The following LDB3 variants were observed in gnomAD, a reference collection of about 807,000 sequenced individuals.
LDB3 encodes the protein LIM domain binding 3.
A neutral mutation model predicts 69.0 loss-of-function variants in LDB3; 49 were observed. That is an observed-to-expected ratio of 0.71 (90% CI 0.56 to 0.90). LDB3 has a LOEUF of 0.90. Ranked by LOEUF, LDB3 falls within the 40% of genes least tolerant of loss-of-function variation. LDB3 has a pLI of 0.00. For synonymous variants in LDB3, 387 were observed against 396.2 expected, an observed-to-expected ratio of 0.98 and a Z score of 0.28; for missense variants, 928 against 974.1, an observed-to-expected ratio of 0.95 and a Z score of 0.63.
Position 86,668,787 on chromosome 10 carries a change from G to A in LDB3, c.93+3G>A. 1 of 1,611,510 alleles carries A rather than the reference G, an allele frequency of 6.2e-7. No individual in the cohort carries two copies. The highest frequency in any genetic ancestry group is 8.5e-7 in the Non-Finnish European group (1 of 1,178,512). Reference sequence around the variant, plus strand: ...ACATGCCCCTCACTATCTCCCGGGTGAGTGCACCCTGCCACAGCCTGGCAC... The same window carrying A: ...ACATGCCCCTCACTATCTCCCGGGTAAGTGCACCCTGCCACAGCCTGGCAC... On this transcript the variant is annotated splice_donor_region_variant and intron_variant, in intron 2 of 13. Transcript: ENST00000361373.
At chr10:86,690,240 C>T (rs1014964146) in intron 5 of LDB3, among the ~76,000 whole-genome samples, 147 of 152,330 alleles carry the variant, frequency 9.7e-4, no homozygotes, top group African/African-American at 3.4e-3. Flanking sequence ...TCCTTCCCTC[C>T]CCTCCCAGTG....
At chr10:86,716,007 C>T (rs887988023) in intron 9 of LDB3, among the ~76,000 whole-genome samples, 2 of 152,184 alleles carry the variant, frequency 1.3e-5, no homozygotes, top group Non-Finnish European at 2.9e-5. Context: ...CCCCCACCCC[C>T]ACTCTGCGTC....
chr10:86,679,394 TCCCAGCTCAGCCAGGGTGA>T lies in LDB3; in HGVS notation c.124_142del (p.Gln42SerfsTer13). 1 of 1,614,118 alleles carries T rather than the reference TCCCAGCTCAGCCAGGGTGA, an allele frequency of 6.2e-7. No individual in the cohort carries two copies. The highest frequency in any genetic ancestry group is 1.1e-5 in the South Asian group (1 of 91,084). Reference sequence around the variant, plus strand: ...CACACCAGGCAGCAAGGCAGCCCAGTCCCAGCTCAGCCAGGGTGACCTCGTGGTGGCCATTGACGGCGTC... The same window carrying T: ...CACACCAGGCAGCAAGGCAGCCCAGTCCTCGTGGTGGCCATTGACGGCGTC... On this transcript the variant is annotated frameshift_variant, in exon 3 of 14. Transcript: ENST00000361373. LOFTEE classifies it high-confidence loss of function.
At chr10:86,691,784 C>A in intron 5 of LDB3, 112 bp from the exon 6 acceptor site, 1 of 1,233,950 alleles carries the variant, frequency 8.1e-7, no homozygotes. Context: ...TGGATAAAGG[C>A]AAGGTGGGGA....
chr10:86,722,464 G>GTTAGCCAGGA (rs1191272981), intron 12 of LDB3, among the ~76,000 whole-genome samples: 4 of 149,764 alleles, frequency 2.7e-5, no homozygotes, highest in Non-Finnish European at 5.9e-5. Context: ...GTTTCACCAT[G>GTTAGCCAGGA]TTAGCCAGGA....
chr10:86,686,636 G>A (rs1201330420), intron 5 of LDB3, among the ~76,000 whole-genome samples: 5 of 151,676 alleles, frequency 3.3e-5, no homozygotes, highest in African/African-American at 7.3e-5. Context: ...GGGCAACATC[G>A]TGAGACTCTG....
chr10:86,699,575 C>T lies in LDB3; in HGVS notation c.897-6956C>T. On this transcript the variant is annotated intron_variant, in intron 7 of 13. Coordinates refer to ENST00000361373, the MANE Select transcript of LDB3 (RefSeq NM_007078.3). The surrounding 1 kb of genome is among the most constrained non-coding windows in gnomAD (Gnocchi z 4.9). ...GGGCCCAGCCCCCTGCAGCTCTGTA[C>T]CCACCAAACCTCCCCAGGGCAACCC... 7.0e-7 allele frequency: 1 copy of T among 1,435,510 alleles called. No homozygotes were observed. The highest frequency in any genetic ancestry group is 2.6e-5 in the East Asian group (1 of 39,138). 88.9% of individuals were successfully genotyped at this position (1,435,510 alleles called of 1,614,324 possible). A position where few individuals can be genotyped will look rare whatever the true frequency, so the allele number is the denominator to read the frequency against.
intron 12 of LDB3, among the ~76,000 whole-genome samples, chr10:86,725,833 T>G (rs927989511): frequency 4.6e-5 from 7 of 152,140 alleles, no homozygotes; most frequent in African/African-American, 1.4e-4. Context: ...ATCCGTTTGG[T>G]CTATTAGAGG....
intron 5 of LDB3, among the ~76,000 whole-genome samples, chr10:86,683,488 G>A (rs1564636596): frequency 6.6e-6 from 1 of 152,234 alleles, no homozygotes; most frequent in Non-Finnish European, 1.5e-5. Context: ...CCTGCTCAGG[G>A]AAGTGAGGGG....
rs1219010072 is a variant in LDB3 at position 86,686,777 on chromosome 10, A to C, written c.689+4974A>C. 1.2e-4 allele frequency among the ~76,000 whole-genome samples: 18 copies of C among 149,972 alleles called. 1 individual carries two copies. Among genetic ancestry groups the C allele is most frequent in the Admixed American group, 2.7e-4 (4 of 14,986 alleles). On this transcript the variant is annotated intron_variant, in intron 5 of 13. Transcript: ENST00000361373. ...AGTGGAGATCACACCACTGCACTCC[A>C]CCATGGGCGACAAAGCGAGACCCTG...
At chr10:86,677,569 G>T (rs1844866992) in intron 2 of LDB3, among the ~76,000 whole-genome samples, 2 of 152,174 alleles carry the variant, frequency 1.3e-5, no homozygotes, top group East Asian at 3.9e-4. Context: ...GTCCCAGGAG[G>T]TGTGGCCTTC....
Position 86,716,894 on chromosome 10 carries a change from C to T in LDB3, c.1676+123C>T, listed in dbSNP as rs193035756. On this transcript the variant is annotated intron_variant, in intron 10 of 13. Coordinates refer to ENST00000361373, the MANE Select transcript of LDB3 (RefSeq NM_007078.3). The stretch of plus-strand genomic sequence containing the variant: ...GGAGGCAGGTGTAGGGAGAAAGCCT[C>T]GGGTCCTTCTGGCTTGCCATCTGGT... 1.4e-4 allele frequency: 155 copies of T among 1,083,490 alleles called. 2 individuals are homozygous for T. In the African/African-American group the frequency reaches 2.0e-3, roughly 14 times the overall value. 67.1% of individuals were successfully genotyped at this position (1,083,490 alleles called of 1,614,324 possible).
In LDB3 at chr10:86,733,811, G is replaced by A. The variant is rs931640112; in HGVS notation, c.*835G>A. The A allele has an allele frequency of 2.6e-5, 4 of 152,232 alleles. No individual in the cohort carries two copies. Among genetic ancestry groups the A allele is most frequent in the Non-Finnish European group, 4.4e-5 (3 of 68,072 alleles). The allele number at this position is 152,232 out of a possible 1,614,324, so 9.4% of individuals were successfully genotyped here. A position where few individuals can be genotyped will look rare whatever the true frequency, so the allele number is the denominator to read the frequency against. ...GAGATTTTTTTAAAGGCTTTGGGTTGTCTTTGGCCTTTGTTTAGCTTTAAG... is the reference window on the plus strand; with the variant it reads ...GAGATTTTTTTAAAGGCTTTGGGTTATCTTTGGCCTTTGTTTAGCTTTAAG... On this transcript the variant is annotated 3_prime_UTR_variant, in exon 14 of 14. Coordinates refer to ENST00000361373, the MANE Select transcript of LDB3 (RefSeq NM_007078.3).
intron 10 of LDB3, 49 bp downstream of exon 10, chr10:86,716,820 G>A: frequency 1.3e-6 from 2 of 1,549,920 alleles, no homozygotes; most frequent in South Asian, 2.3e-5. Context: ...GGGCGTGTGT[G>A]TGGGGTGCTT....
chr10:86,711,930 G>C (rs1356835055), intron 9 of LDB3, among the ~76,000 whole-genome samples: 1 of 152,080 alleles, frequency 6.6e-6, no homozygotes, highest in Non-Finnish European at 1.5e-5. Flanking sequence ...TGCGATAGGG[G>C]ACTTTTGAAC....
At chr10:86,680,627 C>T (rs960482543) in intron 4 of LDB3, among the ~76,000 whole-genome samples, 2 of 152,198 alleles carry the variant, frequency 1.3e-5, no homozygotes, top group East Asian at 1.9e-4. Flanking sequence ...TTCCACTTCC[C>T]CACCTGCCCC....
In LDB3 at chr10:86,712,526, T is replaced by TTGGA. The variant is rs150326076; in HGVS notation, c.1231+2477_1231+2480dup. On this transcript the variant is annotated intron_variant, in intron 9 of 13. Transcript: ENST00000361373. ...CTAAGCAGTTCACCAGCTGGATGAC[T>TTGGA]TGGAGGCAGCCATTTAAGCTCTCCA... 4.9e-3 allele frequency among the ~76,000 whole-genome samples: 743 copies of TTGGA among 152,238 alleles called. 4 individuals are homozygous for TTGGA. The highest frequency in any genetic ancestry group is 0.017 in the African/African-American group (702 of 41,538).
chr10:86,685,906 C>A (rs1287190410), intron 5 of LDB3, among the ~76,000 whole-genome samples: 1 of 152,010 alleles, frequency 6.6e-6, no homozygotes, highest in African/African-American at 2.4e-5. Context: ...GGGCTCCATC[C>A]GATGGTTCTA....
At chr10:86,675,368 C>T (rs912043883) in intron 2 of LDB3, among the ~76,000 whole-genome samples, 14 of 152,234 alleles carry the variant, frequency 9.2e-5, no homozygotes, top group Admixed American at 5.9e-4. Context: ...GATCTGGCCC[C>T]AGCCTCTCTT....
Sources: allele counts gnomAD v4.1 joint callset (sites outside exome capture counted in the v4.1 genomes callset), GRCh38; gene constraint gnomAD v4.1.1; non-coding constraint Gnocchi (gnomAD v3.1); transcripts MANE v1.5; gene names NCBI Gene and HGNC (gene_info 2026-07-23, HGNC 2026-07-21).